RNF115: variants seen among roughly 807,000 people sequenced by gnomAD.
The protein encoded by RNF115 is E3 ubiquitin-protein ligase RNF115.
RNF115 carries 31 observed loss-of-function variants against 39.2 expected under a neutral mutation model. The ratio of observed to expected loss-of-function variants is 0.79; its 90% CI spans 0.59 to 1.07. The LOEUF (loss-of-function observed/expected upper bound fraction) is 1.07. Ranked by LOEUF, RNF115 falls within the 50% of genes least tolerant of loss-of-function variation. The pLI, the probability that RNF115 is intolerant of heterozygous loss-of-function variation, is 0.00. For missense variants in RNF115, 384 were observed against 381.7 expected, an observed-to-expected ratio of 1.01 and a Z score of -0.05; for synonymous variants, 124 against 131.0, an observed-to-expected ratio of 0.95 and a Z score of 0.37.
chr1:145,752,622 T>A (rs1439913219), intron 5 of RNF115, among the ~76,000 whole-genome samples: 5 of 137,082 alleles, frequency 3.6e-5, no homozygotes, highest in African/African-American at 1.5e-4. Flanking sequence ...AGGGTCTCTT[T>A]CTGTCGCCCA....
intron 1 of RNF115, among the ~76,000 whole-genome samples, chr1:145,805,371 A>T (rs1322161136): frequency 4.6e-5 from 7 of 152,092 alleles, no homozygotes; most frequent in African/African-American, 1.7e-4. Flanking sequence ...CCTCAAAGCA[A>T]ACAAAGAATA....
intron 1 of RNF115, among the ~76,000 whole-genome samples, chr1:145,800,885 T>G (rs1169614878): frequency 3.9e-5 from 6 of 152,086 alleles, no homozygotes; most frequent in African/African-American, 1.4e-4. Flanking sequence ...AAAAGGAGCT[T>G]TAGGACGGGC....
chr1:145,823,983 C>G lies in RNF115; in HGVS notation c.-110G>C, dbSNP rs1570711250. 1.3e-5 allele frequency: 10 copies of G among 748,116 alleles called. No homozygotes were observed. In the South Asian group the frequency reaches 2.4e-4, roughly 18 times the overall value. 46.3% of individuals were successfully genotyped at this position (748,116 alleles called of 1,614,324 possible). A position where few individuals can be genotyped will look rare whatever the true frequency, so the allele number is the denominator to read the frequency against. ...CCGCCGCCGCCTCGGTGCGGCCCAC[C>G]GCTTCAGAGCCCGCGTCGGTCACGT... On this transcript the variant is annotated 5_prime_UTR_variant, in exon 1 of 9. Transcript: ENST00000582693.
At chr1:145,750,366 G>A (rs782432906) in intron 7 of RNF115, 41 bp downstream of exon 7, 25 of 1,455,370 alleles carry the variant, frequency 1.7e-5, no homozygotes, top group Admixed American at 3.4e-5. Context: ...ATTTTGAACC[G>A]AGATCAGAAG....
chr1:145,807,233 G>C (rs1447135936), intron 1 of RNF115, among the ~76,000 whole-genome samples: 1 of 152,074 alleles, frequency 6.6e-6, no homozygotes, highest in Non-Finnish European at 1.5e-5. Context: ...AAAATATCCA[G>C]AATCAATCAC....
At chr1:145,768,679 C>T (rs1169935234) in intron 4 of RNF115, among the ~76,000 whole-genome samples, 2 of 152,164 alleles carry the variant, frequency 1.3e-5, no homozygotes, top group African/African-American at 4.8e-5. Flanking sequence ...AGATGCAGCC[C>T]ATGGAAACCA....
intron 4 of RNF115, among the ~76,000 whole-genome samples, chr1:145,765,994 CTCTTTT>C (rs1647248200): frequency 6.6e-6 from 1 of 151,528 alleles, no homozygotes; most frequent in South Asian, 2.1e-4. Context: ...ATACAAAGTA[CTCTTTT>C]TCTTTTTTTT....
intron 1 of RNF115, among the ~76,000 whole-genome samples, chr1:145,805,903 A>C (rs1349509872): frequency 1.3e-5 from 2 of 152,186 alleles, no homozygotes; most frequent in Non-Finnish European, 2.9e-5. Flanking sequence ...AATTAAAATA[A>C]ATAAAATCAG....
In RNF115 at chr1:145,788,437, G is replaced by A. The variant is rs145374634; in HGVS notation, c.161+471C>T. 7.9e-5 allele frequency among the ~76,000 whole-genome samples: 12 copies of A among 152,216 alleles called. No individual in the cohort carries two copies. The East Asian group carries it at 2.1e-3, about 27-fold the overall frequency. On this transcript the variant is annotated intron_variant, in intron 2 of 8. Transcript: ENST00000582693. ...GCCTCCTCAAAGCAGAGTAACAATT[G>A]GTTTTCCTGGCTAGAACAGCCTGTT... is the stretch of plus-strand genomic sequence containing the variant.
At chr1:145,783,572 CTAA>C (rs1418653683) in intron 3 of RNF115, among the ~76,000 whole-genome samples, 2 of 152,104 alleles carry the variant, frequency 1.3e-5, no homozygotes, top group Non-Finnish European at 2.9e-5. Context: ...CTGGAAAAGG[CTAA>C]TGTGATCCTA....
chr1:145,751,432 C>A lies in RNF115; in HGVS notation c.573+6G>T, dbSNP rs371470303. 3 of 1,572,488 alleles carry A rather than the reference C, an allele frequency of 1.9e-6. No individual in the cohort carries two copies. Among genetic ancestry groups the A allele is most frequent in the African/African-American group, 1.3e-5 (1 of 74,288 alleles). On this transcript the variant is annotated splice_donor_region_variant and intron_variant, in intron 6 of 8. Transcript: ENST00000582693. ...GAACAGACACCCTCAAAAGGCAGCT[C>A]CTCACCTGGGTTACAATGGCATCAA...
chr1:145,794,390 G>A (rs947118154), intron 1 of RNF115, among the ~76,000 whole-genome samples: 1 of 151,742 alleles, frequency 6.6e-6, no homozygotes, highest in Non-Finnish European at 1.5e-5. Context: ...GCCACACACT[G>A]GACTTCTTTT....
chr1:145,823,898 G>T lies in RNF115; in HGVS notation c.-25C>A. On this transcript the variant is annotated 5_prime_UTR_variant, in exon 1 of 9. Transcript: ENST00000582693. ...TTTTTGCCCTCCGCCGCGGCCGTCC[G>T]AGAGGGCAGCCGGCCCGTCCCTCGC... is the stretch of plus-strand genomic sequence containing the variant. 6.7e-7 allele frequency: 1 copy of T among 1,484,326 alleles called. No homozygotes were observed. The highest frequency in any genetic ancestry group is 9.0e-7 in the Non-Finnish European group (1 of 1,112,300). 91.9% of individuals were successfully genotyped at this position (1,484,326 alleles called of 1,614,324 possible). A position where few individuals can be genotyped will look rare whatever the true frequency, so the allele number is the denominator to read the frequency against.
Position 145,790,439 on chromosome 1 carries a change from CTTT to C in RNF115, c.103-1476_103-1474del, listed in dbSNP as rs1173924950. Among the ~76,000 whole-genome samples, 9 of 144,230 alleles carry C rather than the reference CTTT, an allele frequency of 6.2e-5. No homozygotes were observed. The Admixed American group carries it at 6.3e-4, about 10-fold the overall frequency. The allele number at this position is 144,230 out of a possible 152,430, so 94.6% of individuals were successfully genotyped here. ...ATAGGCATGAGCCACTGCGCCCGGCCTTTTTTTTTTAAGACAGAGTTTCGCTCT... is the reference window on the plus strand; with the variant it reads ...ATAGGCATGAGCCACTGCGCCCGGCCTTTTTTTAAGACAGAGTTTCGCTCT... On this transcript the variant is annotated intron_variant, in intron 1 of 8. Coordinates refer to ENST00000582693, the MANE Select transcript of RNF115 (RefSeq NM_014455.4).
At chr1:145,796,398 TAGAAA>T (rs1648979687) in intron 1 of RNF115, among the ~76,000 whole-genome samples, 2 of 150,758 alleles carry the variant, frequency 1.3e-5, no homozygotes, top group African/African-American at 4.9e-5. Context: ...CATTTTGTGG[TAGAAA>T]ATACATAAAA....
intron 3 of RNF115, among the ~76,000 whole-genome samples, chr1:145,777,499 G>C (rs1647938573): frequency 6.6e-6 from 1 of 151,976 alleles, no homozygotes; most frequent in African/African-American, 2.4e-5. Flanking sequence ...AGTGTACCCT[G>C]ACCAAAGAAC....
chr1:145,788,862 GT>G (rs782186547), intron 2 of RNF115, 45 bp downstream of exon 2: 22 of 1,359,420 alleles, frequency 1.6e-5, no homozygotes, highest in Non-Finnish European at 2.3e-5. Flanking sequence ...AGAGAAAATA[GT>G]TTTGATAATA....
intron 1 of RNF115, among the ~76,000 whole-genome samples, chr1:145,795,472 G>A (rs1460873222): frequency 6.6e-6 from 1 of 152,070 alleles, no homozygotes; most frequent in Non-Finnish European, 1.5e-5. Flanking sequence ...ATTTTACAGA[G>A]TGCTGATTGG....
At chr1:145,759,482 C>T (rs1308755558) in intron 4 of RNF115, among the ~76,000 whole-genome samples, 2 of 152,160 alleles carry the variant, frequency 1.3e-5, no homozygotes, top group African/African-American at 4.8e-5. Flanking sequence ...CTTTCTGTTA[C>T]ACCCCACATC....
Sources: gnomAD v4.1 joint callset for allele counts (sites outside exome capture counted in the v4.1 genomes callset) on GRCh38, gnomAD v4.1.1 for gene constraint, MANE v1.5 for transcripts, NCBI Gene and HGNC (gene_info 2026-07-23, HGNC 2026-07-21) for gene names.